The following PARP8 variants were observed in gnomAD, a reference collection of about 807,000 sequenced individuals.
PARP8 encodes the protein protein mono-ADP-ribosyltransferase PARP8.
PARP8 carries 51 observed loss-of-function variants against 124.1 expected under a neutral mutation model. The ratio of observed to expected loss-of-function variants is 0.41; its 90% CI spans 0.33 to 0.52. The LOEUF is 0.52. PARP8 is among the 20% of genes least tolerant of loss of function. The pLI is 0.21. For synonymous variants in PARP8, 391 were observed against 361.5 expected (o/e 1.08, Z -0.93); for missense variants, 860 against 1,018.9 (o/e 0.84, Z 2.12).
At position 50,794,844 on chromosome 5, in the gene PARP8, AT is replaced by A. The variant is rs1742348698; in HGVS notation, c.864-5del. The A allele has an allele frequency of 2.5e-6, 4 of 1,607,616 alleles. No homozygotes were observed. The South Asian group carries it at 4.4e-5, about 18-fold the overall frequency. On this transcript the variant is annotated splice_polypyrimidine_tract_variant and splice_region_variant and intron_variant, in intron 11 of 25. Transcript: ENST00000281631. Reference sequence around the variant, plus strand: ...TTTGCCCTGTAGTAATTGTTGTTCAATTTTGAAGGTCGCCAAGTTATCCTCC... The same window carrying A: ...TTTGCCCTGTAGTAATTGTTGTTCAATTTGAAGGTCGCCAAGTTATCCTCC...
chr5:50,759,766 T>G, intron 4 of PARP8, 34 bp downstream of exon 4: 1 of 1,527,360 alleles, frequency 6.5e-7, no homozygotes, highest in Non-Finnish European at 8.7e-7. Flanking sequence ...ACTAGGTTAA[T>G]TTTTTAAATT....
At chr5:50,762,341 T>C (rs923670115) in intron 6 of PARP8, among the ~76,000 whole-genome samples, 2 of 152,160 alleles carry the variant, frequency 1.3e-5, no homozygotes, top group African/African-American at 4.8e-5. Flanking sequence ...TTCACTGCCA[T>C]TGAATTCTTG....
At chr5:50,753,376 C>G (rs551940052) in intron 3 of PARP8, among the ~76,000 whole-genome samples, 1 of 151,904 alleles carries the variant, frequency 6.6e-6, no homozygotes, top group East Asian at 1.9e-4. Context: ...TTAGGTATAG[C>G]CTGTGAATAA....
At chr5:50,778,180 T>C (rs753217346) in intron 8 of PARP8, 51 bp downstream of exon 8, 28 of 1,333,238 alleles carry the variant, frequency 2.1e-5, no homozygotes, top group Non-Finnish European at 2.6e-5. Flanking sequence ...ATACATTTTA[T>C]TTTATTTTTG....
At chr5:50,836,357 A>G (rs1203194316) in intron 25 of PARP8, among the ~76,000 whole-genome samples, 1 of 152,206 alleles carries the variant, frequency 6.6e-6, no homozygotes, top group African/African-American at 2.4e-5. Flanking sequence ...CAGAATCCAA[A>G]CAAGAAACAG....
At chr5:50,695,007 G>T (rs942441473) in intron 2 of PARP8, among the ~76,000 whole-genome samples, 2 of 152,140 alleles carry the variant, frequency 1.3e-5, no homozygotes, top group East Asian at 1.9e-4. Context: ...TGTTCTAGCC[G>T]TGCTGGTAGT....
intron 2 of PARP8, among the ~76,000 whole-genome samples, chr5:50,740,558 C>T (rs1249385670): frequency 2.0e-5 from 3 of 152,106 alleles, no homozygotes; most frequent in Admixed American, 1.3e-4. Flanking sequence ...GGCATGGCGG[C>T]TCATGTCTGT....
chr5:50,834,950 G>T lies in PARP8; in HGVS notation c.2397G>T (p.Leu799=). The T allele has an allele frequency of 1.2e-6, 2 of 1,613,168 alleles. No homozygotes were observed. The highest frequency in any genetic ancestry group is 1.7e-6 in the Non-Finnish European group (2 of 1,179,452). ...ALCEVITSSD[L]HKHGEIWVVP... is the part of the protein sequence containing the mutation. The stretch of plus-strand genomic sequence containing the variant: ...TAACAGTGATCACCTCATCTGACCT[G>T]CACAAACATGGAGAGATATGGGTTG... The change falls in exon 25 of 26, where the codon CTG becomes CTT. Residue 799 remains leucine (L), a synonymous_variant. Transcript: ENST00000281631.
intron 9 of PARP8, among the ~76,000 whole-genome samples, chr5:50,786,674 A>G (rs1004222895): frequency 6.6e-6 from 1 of 151,400 alleles, no homozygotes; most frequent in African/African-American, 2.4e-5. Context: ...GGCCTGAAAA[A>G]CTTCTTTGAA....
Position 50,803,239 on chromosome 5 carries a change from T to C in PARP8, c.1575+6006T>C, listed in dbSNP as rs76466908. 2.7e-3 allele frequency among the ~76,000 whole-genome samples: 404 copies of C among 152,354 alleles called. 10 individuals are homozygous for C. In the East Asian group the frequency reaches 0.035, roughly 13 times the overall value. The stretch of plus-strand genomic sequence containing the variant: ...TCCTTGTTATGTGATGAATTGCTTC[T>C]CTCGCTGATTTCGAGATTTCTTCTT... On this transcript the variant is annotated intron_variant, in intron 14 of 25. Transcript: ENST00000281631.
intron 2 of PARP8, among the ~76,000 whole-genome samples, chr5:50,736,360 C>T (rs1171456822): frequency 6.6e-6 from 1 of 152,106 alleles, no homozygotes; most frequent in African/African-American, 2.4e-5. Context: ...AATGGTGCAG[C>T]ATCTTTGTAA....
intron 2 of PARP8, among the ~76,000 whole-genome samples, chr5:50,689,032 A>AT (rs67863550): frequency 0.093 from 10,394 of 111,218 alleles, 568 homozygotes; most frequent in South Asian, 0.18. Flanking sequence ...TTTTTTTTTG[A>AT]TTTTTTTTTT....
rs1304319895 is a variant in PARP8 at position 50,843,900 on chromosome 5, C to T, written c.*1832C>T. The T allele has an allele frequency of 6.6e-6, 1 of 151,770 alleles. No homozygotes were observed. The highest frequency in any genetic ancestry group is 2.1e-4 in the South Asian group (1 of 4,824). 9.4% of individuals were successfully genotyped at this position (151,770 alleles called of 1,614,324 possible). ...CATGACAAACATGAAGATCTAATAT[C>T]AAGATTTGGGAGACGGGATCTTGGA... is the stretch of plus-strand genomic sequence containing the variant. On this transcript the variant is annotated 3_prime_UTR_variant, in exon 26 of 26. Coordinates refer to ENST00000281631, the MANE Select transcript of PARP8 (RefSeq NM_024615.4).
intron 20 of PARP8, 83 bp downstream of exon 20, chr5:50,828,139 G>A (rs539880340): frequency 1.7e-6 from 2 of 1,192,382 alleles, no homozygotes; most frequent in South Asian, 2.5e-5. Flanking sequence ...CTGTCTTTCA[G>A]TAAATGATCA....
At chr5:50,830,015 AT>A in intron 22 of PARP8, 54 bp downstream of exon 22, 2 of 1,582,660 alleles carry the variant, frequency 1.3e-6, no homozygotes, top group Non-Finnish European at 8.6e-7. Flanking sequence ...TAATTTTCTT[AT>A]TGTTTATACT....
At chr5:50,794,183 A>G in intron 10 of PARP8, 24 bp from the exon 11 acceptor site, 1 of 1,600,752 alleles carries the variant, frequency 6.2e-7, no homozygotes, top group South Asian at 1.1e-5. Context: ...AATGGTGATA[A>G]CAGAATTACC....
chr5:50,758,664 G>A (rs1760218798), intron 3 of PARP8, among the ~76,000 whole-genome samples: 1 of 152,074 alleles, frequency 6.6e-6, no homozygotes, highest in African/African-American at 2.4e-5. Context: ...CTATTTAGTA[G>A]GTCATTGATG....
intron 2 of PARP8, among the ~76,000 whole-genome samples, chr5:50,718,239 G>A (rs942690638): frequency 8.6e-5 from 13 of 152,008 alleles, no homozygotes; most frequent in African/African-American, 2.9e-4. Flanking sequence ...TATTCTGGGA[G>A]TTTGACATTA....
chr5:50,834,274 C>G (rs1252690247), intron 24 of PARP8, among the ~76,000 whole-genome samples: 1 of 152,088 alleles, frequency 6.6e-6, no homozygotes, highest in Admixed American at 6.6e-5. Flanking sequence ...TTATTTCTGG[C>G]AGATATTTCC....
Sources: allele counts gnomAD v4.1 joint callset (sites outside exome capture counted in the v4.1 genomes callset), GRCh38; gene constraint gnomAD v4.1.1; transcripts MANE v1.5; gene names NCBI Gene and HGNC (gene_info 2026-07-23, HGNC 2026-07-21).